The following CNTN3 variants were observed in gnomAD, a reference collection of about 807,000 sequenced individuals.
The protein encoded by CNTN3 is contactin-3.
In CNTN3, 60 loss-of-function variants were observed where a neutral mutation model predicts 119.1. The observed-to-expected ratio is 0.50, with a 90% CI of 0.41 to 0.62. The LOEUF (loss-of-function observed/expected upper bound fraction) is 0.62, where lower values mean the gene tolerates loss of function less well. Ranked by LOEUF, CNTN3 falls within the 20% of genes least tolerant of loss-of-function variation. The pLI, the probability that CNTN3 is intolerant of heterozygous loss-of-function variation, is 0.00. For synonymous variants in CNTN3, 450 were observed against 438.7 expected (o/e 1.03, Z -0.32); for missense variants, 1,101 against 1,242.4 (o/e 0.89, Z 1.71).
chr3:74,520,391 A>G (rs1274196223), intron 2 of CNTN3, among the ~76,000 whole-genome samples: 1 of 151,424 alleles, frequency 6.6e-6, no homozygotes, highest in Non-Finnish European at 1.5e-5. Context: ...TCATAAAAAG[A>G]GGGAAAACAA....
In CNTN3 at chr3:74,499,798, G is replaced by C. The variant is rs757306078; in HGVS notation, c.56-13C>G. ...AAGAGAAGCTCACCTATATGGGTGG[G>C]AGACATCCAAAAAATAATAATCAGT... On this transcript the variant is annotated splice_polypyrimidine_tract_variant and intron_variant, in intron 2 of 22. Transcript: ENST00000263665. 2 of 1,577,778 alleles carry C rather than the reference G, an allele frequency of 1.3e-6. No individual in the cohort carries two copies. Among genetic ancestry groups the C allele is most frequent in the Non-Finnish European group, 1.7e-6 (2 of 1,168,580 alleles).
chr3:74,277,368 A>G (rs1701902876), intron 20 of CNTN3, among the ~76,000 whole-genome samples: 1 of 152,176 alleles, frequency 6.6e-6, no homozygotes, highest in South Asian at 2.1e-4. Flanking sequence ...AAAATCCTTA[A>G]CAAAACACTA....
At chr3:74,471,021 C>A (rs937993335) in intron 4 of CNTN3, among the ~76,000 whole-genome samples, 4 of 152,006 alleles carry the variant, frequency 2.6e-5, no homozygotes, top group Admixed American at 6.6e-5. Flanking sequence ...AGACTACAGG[C>A]ACGTGCCACC....
At chr3:74,480,385 T>C (rs1425800135) in intron 4 of CNTN3, among the ~76,000 whole-genome samples, 3 of 152,084 alleles carry the variant, frequency 2.0e-5, no homozygotes, top group Admixed American at 6.6e-5. Flanking sequence ...ATTTATGGAT[T>C]TTGTAAGCCT....
chr3:74,445,288 G>T (rs1260555214), intron 4 of CNTN3, among the ~76,000 whole-genome samples: 8 of 151,392 alleles, frequency 5.3e-5, no homozygotes, highest in African/African-American at 1.9e-4. Context: ...TTTTAGACAG[G>T]GTCTCCCTCT....
chr3:74,316,981 G>A (rs1163636688), intron 13 of CNTN3, among the ~76,000 whole-genome samples: 4 of 150,750 alleles, frequency 2.7e-5, no homozygotes, highest in African/African-American at 7.3e-5. Flanking sequence ...AAGTCTCTTT[G>A]TAGGTCACTC....
intron 6 of CNTN3, 23 bp from the exon 7 acceptor site, chr3:74,370,014 T>C (rs1360409015): frequency 5.4e-6 from 7 of 1,295,318 alleles, no homozygotes; most frequent in Admixed American, 4.2e-5. Flanking sequence ...AATATAAAGT[T>C]AATCGTTTCA....
At chr3:74,498,430 T>A (rs997288220) in intron 3 of CNTN3, among the ~76,000 whole-genome samples, 1 of 151,856 alleles carries the variant, frequency 6.6e-6, no homozygotes, top group South Asian at 2.1e-4. Context: ...TAGAAAGAGG[T>A]AGAGGCAGAG....
At chr3:74,524,358 T>A (rs1412969337) in intron 1 of CNTN3, among the ~76,000 whole-genome samples, 1 of 151,824 alleles carries the variant, frequency 6.6e-6, no homozygotes, top group African/African-American at 2.4e-5. Flanking sequence ...ATAGAGTTTA[T>A]CAACTATTGC....
chr3:74,521,695 G>C (rs1703546033), intron 1 of CNTN3, among the ~76,000 whole-genome samples: 1 of 151,794 alleles, frequency 6.6e-6, no homozygotes, highest in African/African-American at 2.4e-5. Context: ...TCCCAATTAT[G>C]TATGCTGTGT....
In CNTN3 at chr3:74,524,630, T is replaced by C. The variant is rs184697844; in HGVS notation, c.-80-3438A>G. Among the ~76,000 whole-genome samples, 503 of 151,914 alleles carry C rather than the reference T, an allele frequency of 3.3e-3. 5 individuals carry two copies. The highest frequency in any genetic ancestry group is 0.012 in the African/African-American group (489 of 41,490). The stretch of plus-strand genomic sequence containing the variant: ...TGGTATGGATTTATTAGGTGGCAGA[T>C]AGGCTTGTGAGTAGCTAATGTCTGG... On this transcript the variant is annotated intron_variant, in intron 1 of 22. Transcript: ENST00000263665.
At chr3:74,358,087 G>T (rs1396951001) in intron 11 of CNTN3, among the ~76,000 whole-genome samples, 2 of 152,154 alleles carry the variant, frequency 1.3e-5, no homozygotes, top group African/African-American at 4.8e-5. Context: ...CAACTTGTTC[G>T]ATAATTGCTT....
intron 22 of CNTN3, 38 bp from the exon 23 acceptor site, chr3:74,264,539 T>A (rs1317925576): frequency 3.0e-6 from 4 of 1,337,478 alleles, no homozygotes; most frequent in Middle Eastern, 1.8e-4. Flanking sequence ...ATAAGGATTG[T>A]ACCAATATGT....
At chr3:74,275,328 T>C (rs985962383) in intron 20 of CNTN3, among the ~76,000 whole-genome samples, 3 of 152,130 alleles carry the variant, frequency 2.0e-5, no homozygotes, top group African/African-American at 7.2e-5. Context: ...AAAAAGATCA[T>C]TGCCTAGGCA....
chr3:74,264,410 G>A lies in CNTN3; in HGVS notation c.3078C>T (p.Val1026=). The change falls in exon 23 of 23, where the codon GTC becomes GTT. Residue 1026 remains valine, a synonymous_variant. Coordinates refer to ENST00000263665, the MANE Select transcript of CNTN3 (RefSeq NM_020872.3). ...TAAAAAGGAGTTAATATCACCACAG[G>A]ACATATACAATTAAGAACAGTACTA... ...MPIVLFLIVY[V]LW is the part of the protein sequence containing the mutation. 8 of 1,575,842 alleles carry A rather than the reference G, an allele frequency of 5.1e-6. No individual in the cohort carries two copies. Among genetic ancestry groups the A allele is most frequent in the South Asian group, 1.2e-5 (1 of 86,126 alleles).
At chr3:74,483,102 C>T (rs77761339) in intron 4 of CNTN3, among the ~76,000 whole-genome samples, 5,766 of 151,914 alleles carry the variant, frequency 0.038, 366 homozygotes, top group African/African-American at 0.13. Flanking sequence ...TAGAAAAACA[C>T]CAAAAATGCA....
intron 3 of CNTN3, among the ~76,000 whole-genome samples, chr3:74,497,338 T>C (rs1703083535): frequency 6.6e-6 from 1 of 151,708 alleles, no homozygotes; most frequent in African/African-American, 2.4e-5. Context: ...AGGAAAAAAA[T>C]AGGCCAAAAA....
At chr3:74,358,866 TTTTTTG>T (rs1704009886) in intron 11 of CNTN3, among the ~76,000 whole-genome samples, 1 of 149,578 alleles carries the variant, frequency 6.7e-6, no homozygotes, top group Non-Finnish European at 1.5e-5. Context: ...CGGTGTTTGG[TTTTTTG>T]TTCTTGCGAT....
chr3:74,369,034 C>T (rs1332344420), intron 8 of CNTN3, among the ~76,000 whole-genome samples, 155 bp downstream of exon 8: 4 of 152,018 alleles, frequency 2.6e-5, no homozygotes, highest in African/African-American at 7.2e-5. Context: ...TTTAATTCCC[C>T]CTATGATCAA....
Sources: allele counts gnomAD v4.1 joint callset (sites outside exome capture counted in the v4.1 genomes callset), GRCh38; gene constraint gnomAD v4.1.1; transcripts MANE v1.5; gene names NCBI Gene and HGNC (gene_info 2026-07-23, HGNC 2026-07-21).